The following DNAJC10 variants were observed in gnomAD, a reference collection of about 807,000 sequenced individuals.
DNAJC10 encodes the protein DnaJ heat shock protein family (Hsp40) member C10, also known as endoplasmic reticulum disulfide reductase DNAJC10.
A neutral mutation model predicts 115.0 loss-of-function variants in DNAJC10; 101 were observed. The ratio of observed to expected loss-of-function variants is 0.88; its 90% confidence interval spans 0.75 to 1.04. DNAJC10 has a LOEUF of 1.04. Among genes scored for constraint, DNAJC10 ranks in the 50% least tolerant of loss-of-function variants. The pLI is 0.00. For missense variants in DNAJC10, 981 were observed against 928.8 expected, an observed-to-expected ratio of 1.06 and a Z score of -0.73; for synonymous variants, 307 against 301.5, an observed-to-expected ratio of 1.02 and a Z score of -0.19.
In DNAJC10 at chr2:182,751,738, T is replaced by C; in HGVS notation, c.1387T>C (p.Phe463Leu). ...SHVTTLGPQN[F>L]PANDKEPWLV... is the part of the protein sequence containing the mutation. ...TGTTACCACGCTTGGACCTCAAAAT[T>C]TTCCTGCCAATGACAAAGAACCATG... Residue 463 changes from phenylalanine to leucine, a missense_variant, in exon 15 of 24, where the codon TTT becomes CTT. Coordinates refer to ENST00000264065, the MANE Select transcript of DNAJC10 (RefSeq NM_018981.4). The C allele has an allele frequency of 6.2e-7, 1 of 1,614,058 alleles. No individual in the cohort carries two copies.
Position 182,755,040 on chromosome 2 carries a change from A to G in DNAJC10, c.1589A>G (p.Asn530Ser), listed in dbSNP as rs1428855986. The change falls in exon 17 of 24, where the codon AAC becomes AGC. Residue 530 changes from asparagine to serine, a missense_variant. Asn to Ser is a conservative substitution (Grantham distance 46). Transcript: ENST00000264065. ...GCTTATCCAACAACAGTGGTATTCA[A>G]CCAGTCCAACATTCATGAGTATGAA... Reference protein sequence around the residue: ...IQAYPTTVVFNQSNIHEYEGH... With the variant: ...IQAYPTTVVFSQSNIHEYEGH... The G allele has an allele frequency of 1.9e-6, 3 of 1,609,600 alleles. No homozygotes were observed. Among genetic ancestry groups the G allele is most frequent in the East Asian group, 4.5e-5 (2 of 44,764 alleles).
intron 22 of DNAJC10, among the ~76,000 whole-genome samples, chr2:182,771,783 T>G (rs569483815): frequency 3.9e-5 from 6 of 152,314 alleles, no homozygotes; most frequent in African/African-American, 1.4e-4. Flanking sequence ...AGCTCCTAGA[T>G]TCATTGATTT....
intron 22 of DNAJC10, among the ~76,000 whole-genome samples, chr2:182,775,089 T>TA (rs1359684382): frequency 2.1e-5 from 3 of 145,142 alleles, no homozygotes; most frequent in African/African-American, 7.4e-5. Context: ...TTTTTTTTTT[T>TA]AACAATTGTT....
At chr2:182,761,671 A>T (rs1179304124) in intron 21 of DNAJC10, among the ~76,000 whole-genome samples, 1 of 152,092 alleles carries the variant, frequency 6.6e-6, no homozygotes, top group Non-Finnish European at 1.5e-5. Context: ...GAATAGAACG[A>T]GGAAAAGTGG....
chr2:182,736,286 C>T lies in DNAJC10; in HGVS notation c.887C>T (p.Thr296Ile), dbSNP rs1355831387. ...LVNVGWMDCA[T>I]QDNLCKSLDI... Reference sequence around the variant, plus strand: ...AATGTAGGATGGATGGACTGTGCCACCCAGGATAACCTTTGTAAAAGCTTA... The same window carrying T: ...AATGTAGGATGGATGGACTGTGCCATCCAGGATAACCTTTGTAAAAGCTTA... Residue 296 changes from threonine to isoleucine, a missense_variant, in exon 11 of 24, where the codon ACC becomes ATC. Physicochemically the swap from Thr to Ile is moderately conservative, Grantham distance 89. Transcript: ENST00000264065. 3.8e-6 allele frequency: 6 copies of T among 1,590,154 alleles called. No individual in the cohort carries two copies. Among genetic ancestry groups the T allele is most frequent in the South Asian group, 2.3e-5 (2 of 86,244 alleles).
At chr2:182,719,913 A>G in intron 3 of DNAJC10, 94 bp from the exon 4 acceptor site, 7 of 678,660 alleles carry the variant, frequency 1.0e-5, no homozygotes, top group Non-Finnish European at 1.2e-5. Context: ...GGTCTCCCAG[A>G]AGTTACTAGA....
rs1227394894 is a variant in DNAJC10, at chr2:182,757,785, A to C, written c.1903A>C (p.Arg635=). The part of the protein sequence containing the change: ...QENVQRYPEI[R]FFPPKSNKAY... Reference sequence around the variant, plus strand: ...AAACGTTCAAAGATACCCTGAGATAAGATTTTTTCCCCCAAAATCAAATAA... The same window carrying C: ...AAACGTTCAAAGATACCCTGAGATACGATTTTTTCCCCCAAAATCAAATAA... The change falls in exon 19 of 24, where the codon AGA becomes CGA. Residue 635 remains arginine, a synonymous_variant. Coordinates refer to ENST00000264065, the MANE Select transcript of DNAJC10 (RefSeq NM_018981.4). 1.9e-6 allele frequency: 3 copies of C among 1,569,486 alleles called. No individual in the cohort carries two copies. The highest frequency in any genetic ancestry group is 1.4e-5 in the African/African-American group (1 of 73,710).
At chr2:182,759,449 G>A (rs894960828) in intron 21 of DNAJC10, 142 bp downstream of exon 21, 9 of 759,888 alleles carry the variant, frequency 1.2e-5, no homozygotes, top group African/African-American at 9.2e-5. Context: ...TTCTATGACT[G>A]TAATGGTTGT....
intron 22 of DNAJC10, among the ~76,000 whole-genome samples, chr2:182,763,789 A>G (rs925291893): frequency 6.6e-6 from 1 of 152,170 alleles, no homozygotes; most frequent in African/African-American, 2.4e-5. Flanking sequence ...TGGTCATCCA[A>G]TGCAAGGTAA....
intron 15 of DNAJC10, 74 bp downstream of exon 15, chr2:182,751,859 A>G: frequency 2.6e-6 from 4 of 1,546,314 alleles, no homozygotes; most frequent in Non-Finnish European, 3.5e-6. Flanking sequence ...CATTTTCTAG[A>G]TAACTTTGAA....
chr2:182,736,195 T>C, intron 10 of DNAJC10, 54 bp from the exon 11 acceptor site: 2 of 1,520,472 alleles, frequency 1.3e-6, no homozygotes, highest in East Asian at 2.6e-5. Flanking sequence ...TCTAAATCCC[T>C]TTAACTTTTT....
At chr2:182,769,527 G>A (rs1271618243) in intron 22 of DNAJC10, among the ~76,000 whole-genome samples, 1 of 152,186 alleles carries the variant, frequency 6.6e-6, no homozygotes, top group African/African-American at 2.4e-5. Flanking sequence ...TCTAACTGGT[G>A]TGAGATGGTA....
chr2:182,759,237 T>C lies in DNAJC10; in HGVS notation c.2075T>C (p.Val692Ala), dbSNP rs751287487. ...EKVLQGKNHW[V>A]IDFYAPWCGP... ...GTTCTACAAGGGAAAAATCATTGGG[T>C]GATTGATTTCTATGCTCCTTGGTGT... Residue 692 changes from valine (V) to alanine (A), a missense_variant, in exon 21 of 24, where the codon GTG (valine) becomes GCG (alanine). Val to Ala is a moderately conservative substitution (Grantham distance 64, BLOSUM62 0). Transcript: ENST00000264065. 2.5e-6 allele frequency: 4 copies of C among 1,610,950 alleles called. No homozygotes were observed. In the East Asian group the frequency reaches 6.7e-5, roughly 27 times the overall value.
At chr2:182,719,816 T>TG (rs1693101205) in intron 3 of DNAJC10, among the ~76,000 whole-genome samples, 191 bp from the exon 4 acceptor site, 1 of 149,096 alleles carries the variant, frequency 6.7e-6, no homozygotes, top group African/African-American at 2.5e-5. Flanking sequence ...TTTTTTTTTT[T>TG]GAAGATTATA....
Position 182,756,470 on chromosome 2 carries a change from GT to G in DNAJC10, c.1809+2del. The G allele has an allele frequency of 6.2e-7, 1 of 1,605,116 alleles. No individual in the cohort carries two copies. Among genetic ancestry groups the G allele is most frequent in the South Asian group, 1.1e-5 (1 of 89,116 alleles). On this transcript the variant is annotated splice_donor_variant, in intron 18 of 23. Transcript: ENST00000264065. LOFTEE classifies it high-confidence loss of function. ...GCCAGAATGGAAAAGAATGGCCCGG[GT>G]ATAGTAAAAATAGTTTATTTTAAAT... is the stretch of plus-strand genomic sequence containing the variant.
rs1191689295 is a variant in DNAJC10 at position 182,784,981 on chromosome 2, T to C, written c.*7849T>C. 5 of 152,252 alleles carry C rather than the reference T, an allele frequency of 3.3e-5. No individual in the cohort carries two copies. The highest frequency in any genetic ancestry group is 7.3e-5 in the Non-Finnish European group (5 of 68,034). The allele number at this position is 152,252 out of a possible 1,614,324, so 9.4% of individuals were successfully genotyped here. A position where few individuals can be genotyped will look rare whatever the true frequency, so the allele number is the denominator to read the frequency against. ...AGAATCACACAGTCTAGCTGGCCTTTGTGTTTTCACTAAAAATATCCTGAA... is the reference window on the plus strand; with the variant it reads ...AGAATCACACAGTCTAGCTGGCCTTCGTGTTTTCACTAAAAATATCCTGAA... On this transcript the variant is annotated 3_prime_UTR_variant, in exon 24 of 24. Coordinates refer to ENST00000264065, the MANE Select transcript of DNAJC10 (RefSeq NM_018981.4).
chr2:182,725,420 CT>C (rs1234914826), intron 5 of DNAJC10, among the ~76,000 whole-genome samples: 1 of 152,188 alleles, frequency 6.6e-6, no homozygotes, highest in East Asian at 1.9e-4. Flanking sequence ...AGGTAGACCT[CT>C]TTTGCTAGTT....
chr2:182,743,548 C>G (rs761780442), intron 13 of DNAJC10, 50 bp from the exon 14 acceptor site: 1 of 1,339,828 alleles, frequency 7.5e-7, no homozygotes, highest in Non-Finnish European at 1.1e-6. Context: ...ATTTACAAAT[C>G]AAATGGGTAA....
At chr2:182,751,885 C>T (rs982920637) in intron 15 of DNAJC10, 100 bp downstream of exon 15, 3 of 1,452,402 alleles carry the variant, frequency 2.1e-6, no homozygotes, top group East Asian at 2.3e-5. Context: ...AGTACAAAAA[C>T]TGTGTCATTC....
Sources: allele counts gnomAD v4.1 joint callset (sites outside exome capture counted in the v4.1 genomes callset), GRCh38; gene constraint gnomAD v4.1.1; transcripts MANE v1.5; gene names NCBI Gene and HGNC (gene_info 2026-07-23, HGNC 2026-07-21).